MAML1: variants seen among roughly 807,000 people sequenced by gnomAD.
MAML1 encodes mastermind-like protein 1.
Under a neutral mutation model 77.1 loss-of-function variants are expected in MAML1, and 14 were observed. The observed-to-expected ratio is 0.18, with a 90% CI of 0.12 to 0.28. The LOEUF (loss-of-function observed/expected upper bound fraction) is 0.28, where lower values mean the gene tolerates loss of function less well. MAML1 is among the 10% of genes least tolerant of loss of function. The pLI is 1.00. For synonymous variants in MAML1, 516 were observed against 551.9 expected, an observed-to-expected ratio of 0.93 and a Z score of 0.91; for missense variants, 1,217 against 1,327.8, an observed-to-expected ratio of 0.92 and a Z score of 1.30.
Position 179,774,791 on chromosome 5 carries a change from C to G in MAML1, c.2965C>G (p.His989Asp). ...GGSGLSSVAGHTDLIDSLLKN... is the reference protein window; with the variant it reads ...GGSGLSSVAGDTDLIDSLLKN... ...CAGTGGGCTCTCTAGTGTGGCTGGA[C>G]ACACCGATCTGATCGACTCCCTGCT... Residue 989 changes from histidine to aspartate, a missense_variant, in exon 5 of 5, where the codon CAC becomes GAC. Physicochemically the swap from His to Asp is moderately conservative, Grantham distance 81 (BLOSUM62 -1). Transcript: ENST00000292599. The G allele has an allele frequency of 6.2e-7, 1 of 1,613,882 alleles. No homozygotes were observed.
chr5:179,748,641 C>T (rs1414850216), intron 1 of MAML1, among the ~76,000 whole-genome samples: 2 of 152,190 alleles, frequency 1.3e-5, no homozygotes, highest in African/African-American at 4.8e-5. Context: ...TAGTTGATAA[C>T]AGAAGCACAT....
chr5:179,749,436 T>C (rs1779444711), intron 1 of MAML1, among the ~76,000 whole-genome samples: 1 of 152,108 alleles, frequency 6.6e-6, no homozygotes, highest in Non-Finnish European at 1.5e-5. Flanking sequence ...AATTTTTGTA[T>C]TTTTAGTACA....
At chr5:179,759,231 A>G (rs1779680555) in intron 1 of MAML1, among the ~76,000 whole-genome samples, 2 of 152,170 alleles carry the variant, frequency 1.3e-5, no homozygotes, top group Non-Finnish European at 2.9e-5. Flanking sequence ...TGTTCTGACA[A>G]AGGGAGTCTG....
In MAML1 at chr5:179,765,358, C is replaced by T; in HGVS notation, c.348C>T (p.Asp116=). 1 of 1,608,084 alleles carries T rather than the reference C, an allele frequency of 6.2e-7. No homozygotes were observed. Among genetic ancestry groups the T allele is most frequent in the South Asian group, 1.1e-5 (1 of 90,240 alleles). ...ATGATACAGTTAAGAGGAATCTTGA[C>T]AGCGCCACTTCCCCTCAGAATGGCG... ...HLHDTVKRNL[D]SATSPQNGDQ... Residue 116 remains aspartate (D), a synonymous_variant, in exon 2 of 5, where the codon GAC becomes GAT. Transcript: ENST00000292599.
At chr5:179,750,786 G>A (rs1581931362) in intron 1 of MAML1, among the ~76,000 whole-genome samples, 1 of 152,092 alleles carries the variant, frequency 6.6e-6, no homozygotes, top group Non-Finnish European at 1.5e-5. Flanking sequence ...TGAATGAGAT[G>A]ATGAGGAAGA....
intron 1 of MAML1, among the ~76,000 whole-genome samples, chr5:179,736,972 A>T (rs1013909627): frequency 6.6e-6 from 1 of 152,240 alleles, no homozygotes; most frequent in South Asian, 2.1e-4. Flanking sequence ...AATTAAAAAA[A>T]AAAAAAAAAG....
intron 1 of MAML1, among the ~76,000 whole-genome samples, chr5:179,740,577 A>G (rs114007060): frequency 0.013 from 2,002 of 152,008 alleles, 44 homozygotes; most frequent in African/African-American, 0.046. Context: ...TGCCCGGCCG[A>G]TCTTTAAGTT....
At chr5:179,753,656 T>TTA (rs1554150347) in intron 1 of MAML1, among the ~76,000 whole-genome samples, 2 of 95,922 alleles carry the variant, frequency 2.1e-5, no homozygotes, top group African/African-American at 3.7e-5. Flanking sequence ...TTATTATTAT[T>TTA]TTTTTTTTTT....
rs190553031 is a variant in MAML1 at position 179,764,448 on chromosome 5, G to A, written c.316-878G>A. Among the ~76,000 whole-genome samples the A allele has an allele frequency of 3.6e-3, 543 of 152,120 alleles. 10 individuals are homozygous for A. Among genetic ancestry groups the A allele is most frequent in the Admixed American group, 0.029 (440 of 15,274 alleles). On this transcript the variant is annotated intron_variant, in intron 1 of 4. Coordinates refer to ENST00000292599, the MANE Select transcript of MAML1 (RefSeq NM_014757.5). ...GACTGAGGTGGGCAAATCACCTGAG[G>A]TCTGGAGTTCAAGACCAGTCTGACC...
intron 1 of MAML1, among the ~76,000 whole-genome samples, chr5:179,742,023 A>G (rs1160586284): frequency 1.3e-5 from 2 of 151,480 alleles, no homozygotes; most frequent in Non-Finnish European, 2.9e-5. Flanking sequence ...TCAGCCTCCC[A>G]AGTAGCTGAG....
chr5:179,769,566 T>A lies in MAML1; in HGVS notation c.1971+477T>A, dbSNP rs1433537532. Among the ~76,000 whole-genome samples the A allele has an allele frequency of 6.6e-6, 1 of 152,138 alleles. No individual in the cohort carries two copies. The highest frequency in any genetic ancestry group is 2.4e-5 in the African/African-American group (1 of 41,440). On this transcript the variant is annotated intron_variant, in intron 3 of 4. Coordinates refer to ENST00000292599, the MANE Select transcript of MAML1 (RefSeq NM_014757.5). The surrounding 1 kb of genome is among the most constrained non-coding windows in gnomAD (Gnocchi z 4.2). ...GGGTTACAAGTGAGAGTTCTTTTTT[T>A]TTTTTGGAGACAGAGTCTTGCTGTC...
chr5:179,759,874 A>G (rs562924390), intron 1 of MAML1, among the ~76,000 whole-genome samples: 1 of 152,338 alleles, frequency 6.6e-6, no homozygotes, highest in South Asian at 2.1e-4. Flanking sequence ...ATGTGTGTTA[A>G]TGAATGGAGA....
At chr5:179,741,459 C>G (rs773598073) in intron 1 of MAML1, among the ~76,000 whole-genome samples, 1 of 151,974 alleles carries the variant, frequency 6.6e-6, no homozygotes, top group Non-Finnish European at 1.5e-5. Flanking sequence ...CTGAGGTGGG[C>G]GGATCACTTG....
chr5:179,744,936 C>G (rs1378656887), intron 1 of MAML1, among the ~76,000 whole-genome samples: 1 of 150,930 alleles, frequency 6.6e-6, no homozygotes, highest in East Asian at 1.9e-4. Context: ...GAGCCTTGCT[C>G]TGTTGCCCAG....
Position 179,774,348 on chromosome 5 carries a change from A to C in MAML1, c.2522A>C (p.His841Pro). 6.2e-7 allele frequency: 1 copy of C among 1,613,362 alleles called. No homozygotes were observed. ...GGAGGCCAGAATTCCTCCTGGCAGC[A>C]TCAGGGAATGCCGAACCTCAGTGGC... ...AMGGQNSSWQ[H>P]QGMPNLSGQT... Residue 841 changes from histidine to proline, a missense_variant, in exon 5 of 5, where the codon CAT becomes CCT. Transcript: ENST00000292599.
Position 179,752,668 on chromosome 5 carries a change from G to T in MAML1, c.316-12658G>T, listed in dbSNP as rs1256429928. On this transcript the variant is annotated intron_variant, in intron 1 of 4. Coordinates refer to ENST00000292599, the MANE Select transcript of MAML1 (RefSeq NM_014757.5). ...GTCGCCCAGGCTGGAGTGCAGTGGC[G>T]TGATCTCAGCTCACTACAAGCTCCG... Among the ~76,000 whole-genome samples, 14 of 142,108 alleles carry T rather than the reference G, an allele frequency of 9.9e-5. No homozygotes were observed. The East Asian group carries it at 2.9e-3, about 30-fold the overall frequency. The allele number at this position is 142,108 out of a possible 152,430, so 93.2% of individuals were successfully genotyped here.
Position 179,766,584 on chromosome 5 carries a change from G to T in MAML1, c.1574G>T (p.Cys525Phe). The T allele has an allele frequency of 6.8e-6, 11 of 1,611,968 alleles. No individual in the cohort carries two copies. Among genetic ancestry groups the T allele is most frequent in the Non-Finnish European group, 9.3e-6 (11 of 1,178,478 alleles). The stretch of plus-strand genomic sequence containing the variant: ...CCCCTTTCTCATTACAAAGCGGACT[G>T]TGGGCAAGGCAGCCCGGGGTCTGGC... The part of the protein sequence containing the change: ...TKPLSHYKAD[C>F]GQGSPGSGQS... Residue 525 changes from cysteine to phenylalanine, a missense_variant, in exon 2 of 5, where the codon TGT (cysteine) becomes TTT (phenylalanine). Cys to Phe is a radical substitution (Grantham distance 205). Transcript: ENST00000292599. This position sits in a 1 kb window ranked among gnomAD's most constrained non-coding sequence, Gnocchi z 4.0.
At chr5:179,742,498 A>C (rs1404343692) in intron 1 of MAML1, among the ~76,000 whole-genome samples, 1 of 150,572 alleles carries the variant, frequency 6.6e-6, no homozygotes, top group Non-Finnish European at 1.5e-5. Flanking sequence ...CAAAATAAAT[A>C]ATAAAAAAAA....
intron 3 of MAML1, 173 bp from the exon 4 acceptor site, chr5:179,770,974 A>G (rs1436863897): frequency 1.8e-6 from 1 of 569,574 alleles, no homozygotes; most frequent in African/African-American, 1.9e-5. Flanking sequence ...ATTGCTCCCT[A>G]GATCTGTTTC....
Sources: gnomAD v4.1 joint callset for allele counts (sites outside exome capture counted in the v4.1 genomes callset) on GRCh38, gnomAD v4.1.1 for gene constraint, Gnocchi (gnomAD v3.1) non-coding constraint, MANE v1.5 for transcripts, NCBI Gene and HGNC (gene_info 2026-07-23, HGNC 2026-07-21) for gene names.